B3GALT1: variants seen among roughly 807,000 people sequenced by gnomAD.
B3GALT1 encodes the protein UDP-Gal:betaGlcNAc beta 1,3-galactosyltransferase, polypeptide 1.
B3GALT1 carries 10 observed loss-of-function variants against 23.2 expected under a neutral mutation model. The ratio of observed to expected loss-of-function variants is 0.43; its 90% CI spans 0.27 to 0.73. The LOEUF is 0.73. Ranked by LOEUF, B3GALT1 falls within the 30% of genes least tolerant of loss-of-function variation. The pLI is 0.21. For synonymous variants in B3GALT1, 156 were observed against 141.5 expected (o/e 1.10, Z -0.73); for missense variants, 299 against 405.4 (o/e 0.74, Z 2.25).
chr2:167,855,876 A>AAACTC (rs1280535655), intron 4 of B3GALT1, among the ~76,000 whole-genome samples: 1 of 152,138 alleles, frequency 6.6e-6, no homozygotes, highest in Non-Finnish European at 1.5e-5. Flanking sequence ...ATTTCTTAGA[A>AAACTC]AACTCACCTA....
chr2:167,517,222 G>T lies in B3GALT1; in HGVS notation c.-410+26945G>T, dbSNP rs187650108. On this transcript the variant is annotated intron_variant, in intron 2 of 4. Coordinates refer to ENST00000392690, the MANE Select transcript of B3GALT1 (RefSeq NM_020981.4). ...GCTACTTTGGGGTTTTATTGTTAAGGTTTTTTTTTCAGTGCATCTAGAAAG... is the reference window on the plus strand; with the variant it reads ...GCTACTTTGGGGTTTTATTGTTAAGTTTTTTTTTTCAGTGCATCTAGAAAG... Among the ~76,000 whole-genome samples the T allele has an allele frequency of 5.9e-4, 88 of 149,868 alleles. 1 individual carries two copies. The highest frequency in any genetic ancestry group is 1.9e-3 in the African/African-American group (77 of 40,928).
At chr2:167,815,968 A>C (rs1193108999) in intron 3 of B3GALT1, among the ~76,000 whole-genome samples, 1 of 152,204 alleles carries the variant, frequency 6.6e-6, no homozygotes, top group African/African-American at 2.4e-5. Context: ...TTGAAATATT[A>C]TTTTGTATTC....
At chr2:167,328,946 G>T (rs1696933562) in intron 1 of B3GALT1, among the ~76,000 whole-genome samples, 1 of 152,078 alleles carries the variant, frequency 6.6e-6, no homozygotes, top group South Asian at 2.1e-4. Context: ...CCAAGTAGCT[G>T]GGTCTACAGG....
intron 2 of B3GALT1, among the ~76,000 whole-genome samples, chr2:167,597,585 C>T (rs1330105799): frequency 6.6e-6 from 1 of 152,212 alleles, no homozygotes; most frequent in Non-Finnish European, 1.5e-5. Context: ...TTTGGGATTT[C>T]CATATCCTAC....
At chr2:167,664,414 C>T (rs1036925223) in intron 3 of B3GALT1, among the ~76,000 whole-genome samples, 46 of 151,884 alleles carry the variant, frequency 3.0e-4, no homozygotes, top group Non-Finnish European at 5.0e-4. Flanking sequence ...CAGCTTTGTT[C>T]TTTTGGCTTA....
intron 3 of B3GALT1, among the ~76,000 whole-genome samples, chr2:167,740,829 AC>A (rs1687567081): frequency 6.6e-6 from 1 of 152,178 alleles, no homozygotes; most frequent in Non-Finnish European, 1.5e-5. Flanking sequence ...TTGCCTTCAG[AC>A]CCCACTATAC....
chr2:167,710,787 C>G (rs943054975), intron 3 of B3GALT1, among the ~76,000 whole-genome samples: 2 of 152,162 alleles, frequency 1.3e-5, no homozygotes, highest in Non-Finnish European at 2.9e-5. Flanking sequence ...AATCAATAGG[C>G]AAGACCTGCT....
intron 3 of B3GALT1, among the ~76,000 whole-genome samples, chr2:167,748,861 G>C (rs1357702122): frequency 6.6e-6 from 1 of 152,118 alleles, no homozygotes; most frequent in Non-Finnish European, 1.5e-5. Flanking sequence ...TTCTCACACT[G>C]CTCAATAATA....
At chr2:167,394,536 G>GT (rs200847558) in intron 1 of B3GALT1, among the ~76,000 whole-genome samples, 2,258 of 151,302 alleles carry the variant, frequency 0.015, 62 homozygotes, top group African/African-American at 0.052. Context: ...ATAAAGGGTT[G>GT]TTTTTTTTTA....
chr2:167,624,053 A>G (rs903051848), intron 2 of B3GALT1, among the ~76,000 whole-genome samples: 1 of 152,084 alleles, frequency 6.6e-6, no homozygotes, highest in African/African-American at 2.4e-5. Flanking sequence ...AAGGGTGCAT[A>G]TAATTTAGAC....
chr2:167,646,646 T>G lies in B3GALT1; in HGVS notation c.-409-263T>G, dbSNP rs530556029. 2.0e-5 allele frequency among the ~76,000 whole-genome samples: 3 copies of G among 152,244 alleles called. No homozygotes were observed. The East Asian group carries it at 5.8e-4, about 29-fold the overall frequency. On this transcript the variant is annotated intron_variant, in intron 2 of 4. Transcript: ENST00000392690. ...AGCAAACAAAGCTGAATTGGCACAG[T>G]TCTGAAACCATTTATTCCCTGAGGG... is the stretch of plus-strand genomic sequence containing the variant.
At chr2:167,782,377 TGGGGAACTC>T (rs1324351960) in intron 3 of B3GALT1, among the ~76,000 whole-genome samples, 2 of 152,016 alleles carry the variant, frequency 1.3e-5, no homozygotes, top group African/African-American at 2.4e-5. Context: ...GGTACAGATG[TGGGGAACTC>T]TTAAGGCCCA....
chr2:167,441,925 T>A (rs186088022), intron 1 of B3GALT1, among the ~76,000 whole-genome samples: 2,523 of 151,710 alleles, frequency 0.017, 78 homozygotes, highest in African/African-American at 0.059. Flanking sequence ...CATGTGCACA[T>A]TGTGCAGGTT....
chr2:167,710,576 A>C (rs1687032508), intron 3 of B3GALT1, among the ~76,000 whole-genome samples: 1 of 152,134 alleles, frequency 6.6e-6, no homozygotes, highest in South Asian at 2.1e-4. Context: ...TGTATGAGAG[A>C]CCAACCTCCT....
chr2:167,724,180 G>A (rs1687273568), intron 3 of B3GALT1, among the ~76,000 whole-genome samples: 1 of 152,144 alleles, frequency 6.6e-6, no homozygotes, highest in African/African-American at 2.4e-5. Flanking sequence ...GTTTACTCCA[G>A]AGGCTGAAAT....
chr2:167,697,718 G>A (rs551083767), intron 3 of B3GALT1, among the ~76,000 whole-genome samples: 11 of 152,218 alleles, frequency 7.2e-5, no homozygotes, highest in Non-Finnish European at 1.5e-4. Context: ...TGTTTGAAAA[G>A]GAAAAAAAGT....
At chr2:167,330,861 G>C (rs992724117) in intron 1 of B3GALT1, among the ~76,000 whole-genome samples, 2 of 151,322 alleles carry the variant, frequency 1.3e-5, no homozygotes, top group Non-Finnish European at 2.9e-5. Context: ...TTCTGTTGCT[G>C]GATAATTATT....
At chr2:167,786,433 A>G (rs1688346440) in intron 3 of B3GALT1, among the ~76,000 whole-genome samples, 1 of 152,212 alleles carries the variant, frequency 6.6e-6, no homozygotes, top group African/African-American at 2.4e-5. Context: ...CTGCAGTCAT[A>G]CTACCCTTAT....
intron 3 of B3GALT1, among the ~76,000 whole-genome samples, chr2:167,739,956 A>G (rs1306817873): frequency 6.7e-6 from 1 of 149,086 alleles, no homozygotes; most frequent in African/African-American, 2.5e-5. Context: ...AAAAAAATCT[A>G]GGCGTGGTGG....
Sources: gnomAD v4.1 joint callset for allele counts (sites outside exome capture counted in the v4.1 genomes callset) on GRCh38, gnomAD v4.1.1 for gene constraint, MANE v1.5 for transcripts, NCBI Gene and HGNC (gene_info 2026-07-23, HGNC 2026-07-21) for gene names.